The following KCNMA1 variants were observed in gnomAD, a reference collection of about 807,000 sequenced individuals.
The protein encoded by KCNMA1 is Calcium-activated potassium channel subunit alpha-1.
Under a neutral mutation model 140.0 loss-of-function variants are expected in KCNMA1, and 29 were observed. The ratio of observed to expected loss-of-function variants is 0.21; its 90% confidence interval spans 0.15 to 0.28. The LOEUF is 0.28. KCNMA1 is among the 10% of genes least tolerant of loss of function. KCNMA1 has a pLI of 1.00. For missense variants in KCNMA1, 880 were observed against 1,602.2 expected (o/e 0.55, Z 7.70); for synonymous variants, 612 against 611.9 (o/e 1.00, Z 0.00).
chr10:77,425,621 G>A (rs962145961), intron 1 of KCNMA1, among the ~76,000 whole-genome samples: 1 of 152,168 alleles, frequency 6.6e-6, no homozygotes, highest in African/African-American at 2.4e-5. Flanking sequence ...CGGCAATGTG[G>A]GCTGCCTTCC....
At chr10:77,355,937 C>A (rs1364164192) in intron 2 of KCNMA1, among the ~76,000 whole-genome samples, 2 of 152,286 alleles carry the variant, frequency 1.3e-5, no homozygotes, top group African/African-American at 2.4e-5. Context: ...GAAAAAACGA[C>A]CCCCTGTACA....
chr10:76,885,829 A>C lies in KCNMA1; in HGVS notation c.*1437T>G, dbSNP rs1369357389. ...TTCTACCTCTCCTCTCATGCTTACT[A>C]AGTGTTAAAAAAGAAAGAAAACAAA... On this transcript the variant is annotated 3_prime_UTR_variant, in exon 28 of 28. Coordinates refer to ENST00000286628, the MANE Select transcript of KCNMA1 (RefSeq NM_001161352.2). The C allele has an allele frequency of 2.0e-6, 2 of 984,978 alleles. No homozygotes were observed. Among genetic ancestry groups the C allele is most frequent in the African/African-American group, 3.5e-5 (2 of 57,232 alleles). The allele number at this position is 984,978 out of a possible 1,614,324, so 61.0% of individuals were successfully genotyped here.
intron 5 of KCNMA1, among the ~76,000 whole-genome samples, chr10:77,150,407 G>C (rs894651691): frequency 2.6e-5 from 4 of 152,086 alleles, no homozygotes; most frequent in African/African-American, 9.7e-5. Flanking sequence ...TGTGAGCAAA[G>C]GGAAAGAATC....
At chr10:76,929,618 T>C (rs979971082) in intron 23 of KCNMA1, among the ~76,000 whole-genome samples, 2 of 152,212 alleles carry the variant, frequency 1.3e-5, no homozygotes, top group Admixed American at 1.3e-4. Flanking sequence ...GATACAAGGA[T>C]CAGAGATGGT....
intron 2 of KCNMA1, among the ~76,000 whole-genome samples, chr10:77,261,108 C>T (rs1264098176): frequency 1.3e-5 from 2 of 152,078 alleles, no homozygotes; most frequent in African/African-American, 2.4e-5. Flanking sequence ...CACCTGCATG[C>T]CCCCCAGCAG....
intron 14 of KCNMA1, among the ~76,000 whole-genome samples, chr10:77,043,916 G>A (rs1276040056): frequency 1.3e-5 from 2 of 152,162 alleles, no homozygotes; most frequent in Non-Finnish European, 2.9e-5. Flanking sequence ...GAAGTGGATG[G>A]TAGTGATGGT....
chr10:77,337,617 G>A (rs916196337), intron 2 of KCNMA1, among the ~76,000 whole-genome samples: 1 of 152,012 alleles, frequency 6.6e-6, no homozygotes, highest in African/African-American at 2.4e-5. Flanking sequence ...GAGACTCTGT[G>A]TCAAAAAAAG....
intron 1 of KCNMA1, among the ~76,000 whole-genome samples, chr10:77,428,478 T>C (rs562518909): frequency 6.6e-6 from 1 of 152,316 alleles, no homozygotes; most frequent in East Asian, 1.9e-4. Flanking sequence ...GAGAGAATCC[T>C]TAGGGAAAGC....
chr10:76,917,521 A>T (rs2053469314), intron 23 of KCNMA1, among the ~76,000 whole-genome samples: 1 of 152,144 alleles, frequency 6.6e-6, no homozygotes, highest in African/African-American at 2.4e-5. Flanking sequence ...TGCTTGCTTC[A>T]TAGGCTTCTT....
rs1594135310 is a variant in KCNMA1 at position 77,028,397 on chromosome 10, A to G, written c.1860-506T>C. Among the ~76,000 whole-genome samples, 4 of 151,894 alleles carry G rather than the reference A, an allele frequency of 2.6e-5. No individual in the cohort carries two copies. In the South Asian group the frequency reaches 8.3e-4, roughly 32 times the overall value. On this transcript the variant is annotated intron_variant, in intron 15 of 27. Transcript: ENST00000286628. ...CCCAGCACATGACGATGGCATTGTC[A>G]CTCCTGGCTCCATCCAAGCTGTCTC...
chr10:77,543,485 T>C lies in KCNMA1; in HGVS notation c.378+93780A>G, dbSNP rs772317830. Among the ~76,000 whole-genome samples, 70 of 152,270 alleles carry C rather than the reference T, an allele frequency of 4.6e-4. 1 individual carries two copies. The highest frequency in any genetic ancestry group is 9.1e-4 in the Non-Finnish European group (62 of 68,018). ...CACTACAGGAGGAAAATAAGGAACA[T>C]AATAGCATATTGTGCTATTATGATG... On this transcript the variant is annotated intron_variant, in intron 1 of 27. Coordinates refer to ENST00000286628, the MANE Select transcript of KCNMA1 (RefSeq NM_001161352.2).
At chr10:77,237,922 C>A (rs141881642) in intron 3 of KCNMA1, among the ~76,000 whole-genome samples, 1 of 152,290 alleles carries the variant, frequency 6.6e-6, no homozygotes, top group South Asian at 2.1e-4. Flanking sequence ...CCGAAGGCAG[C>A]GCTCTCAGGC....
At chr10:77,573,007 G>A (rs907753598) in intron 1 of KCNMA1, among the ~76,000 whole-genome samples, 1 of 152,004 alleles carries the variant, frequency 6.6e-6, no homozygotes, top group African/African-American at 2.4e-5. Context: ...CGCAGTTCAG[G>A]GCAGCTTCCA....
intron 2 of KCNMA1, among the ~76,000 whole-genome samples, chr10:77,271,420 C>CA (rs1385945784): frequency 6.6e-6 from 1 of 152,058 alleles, no homozygotes; most frequent in Non-Finnish European, 1.5e-5. Flanking sequence ...TCTCGTCTCA[C>CA]AAAAAAGAAG....
intron 10 of KCNMA1, among the ~76,000 whole-genome samples, chr10:77,088,180 T>C (rs2096735804): frequency 6.6e-6 from 1 of 151,996 alleles, no homozygotes; most frequent in South Asian, 2.1e-4. Context: ...AGGCTGGTCT[T>C]GAACTCCTGG....
At chr10:77,261,393 C>G (rs1208281782) in intron 2 of KCNMA1, among the ~76,000 whole-genome samples, 1 of 152,128 alleles carries the variant, frequency 6.6e-6, no homozygotes, top group Non-Finnish European at 1.5e-5. Flanking sequence ...ATTGCCCAAT[C>G]TCTTCCCTTC....
Position 77,636,717 on chromosome 10 carries a change from C to T in KCNMA1, c.378+548G>A, listed in dbSNP as rs2093781857. On this transcript the variant is annotated intron_variant, in intron 1 of 27. Transcript: ENST00000286628. ...CCCCCTGTTATCTCGGGCCATGCTCCTCCCCCGGGATTCCCTTGTGCAAAA... is the reference window on the plus strand; with the variant it reads ...CCCCCTGTTATCTCGGGCCATGCTCTTCCCCCGGGATTCCCTTGTGCAAAA... 3.3e-6 allele frequency: 5 copies of T among 1,512,192 alleles called. No individual in the cohort carries two copies. In the Admixed American group the frequency reaches 1.0e-4, roughly 31 times the overall value. 93.7% of individuals were successfully genotyped at this position (1,512,192 alleles called of 1,614,324 possible). A position where few individuals can be genotyped will look rare whatever the true frequency, so the allele number is the denominator to read the frequency against.
At chr10:77,005,035 G>C in intron 18 of KCNMA1, among the ~76,000 whole-genome samples, 1 of 152,038 alleles carries the variant, frequency 6.6e-6, no homozygotes, top group East Asian at 1.9e-4. Flanking sequence ...TCTTTCTTAC[G>C]TAGTCACCCA....
At chr10:77,132,147 A>G (rs1370009692) in intron 5 of KCNMA1, among the ~76,000 whole-genome samples, 3 of 152,170 alleles carry the variant, frequency 2.0e-5, no homozygotes, top group East Asian at 1.9e-4. Flanking sequence ...TTTGAAAAAT[A>G]TAAAGAGTTG....
Sources: allele counts gnomAD v4.1 joint callset (sites outside exome capture counted in the v4.1 genomes callset), GRCh38; gene constraint gnomAD v4.1.1; transcripts MANE v1.5; gene names NCBI Gene and HGNC (gene_info 2026-07-23, HGNC 2026-07-21).